RASSF5: variants seen among roughly 807,000 people sequenced by gnomAD.
RASSF5 encodes ras association domain-containing protein 5.
A neutral mutation model predicts 40.5 loss-of-function variants in RASSF5; 25 were observed. The ratio of observed to expected loss-of-function variants is 0.62; its 90% CI spans 0.45 to 0.86. The LOEUF (loss-of-function observed/expected upper bound fraction) is 0.86, where lower values mean the gene tolerates loss of function less well. RASSF5 is among the 40% of genes least tolerant of loss of function. The pLI is 0.00. For synonymous variants in RASSF5, 246 were observed against 252.4 expected, an observed-to-expected ratio of 0.97 and a Z score of 0.24; for missense variants, 521 against 572.8, an observed-to-expected ratio of 0.91 and a Z score of 0.92.
At chr1:206,536,289 G>A (rs868960068) in intron 1 of RASSF5, among the ~76,000 whole-genome samples, 5 of 152,286 alleles carry the variant, frequency 3.3e-5, no homozygotes, top group African/African-American at 9.6e-5. Context: ...GGAGGGAGGC[G>A]TAGAGAAGCG....
rs1192937407 is a variant in RASSF5 at position 206,579,569 on chromosome 1, G to A, written c.580-3700G>A. On this transcript the variant is annotated intron_variant, in intron 2 of 5. Transcript: ENST00000579436. The surrounding 1 kb of genome is among the most constrained non-coding windows in gnomAD (Gnocchi z 4.2). ...GGCACCAAGTGTTAATTCAGCAGCTGGATGAAGACCCTTGAGGTCTGGAAT... is the reference window on the plus strand; with the variant it reads ...GGCACCAAGTGTTAATTCAGCAGCTAGATGAAGACCCTTGAGGTCTGGAAT... Among the ~76,000 whole-genome samples the A allele has an allele frequency of 2.0e-5, 3 of 152,174 alleles. No individual in the cohort carries two copies. Among genetic ancestry groups the A allele is most frequent in the Non-Finnish European group, 4.4e-5 (3 of 68,018 alleles).
At position 206,552,946 on chromosome 1, in the gene RASSF5, G is replaced by T. The variant is rs1291746019; in HGVS notation, c.579+14653G>T. ...AGGCTGGGCGCGGTGGCTCACACCT[G>T]TAATCCCAGCACTTTGGGAGGCCGA... is the stretch of plus-strand genomic sequence containing the variant. On this transcript the variant is annotated intron_variant, in intron 2 of 5. Coordinates refer to ENST00000579436, the MANE Select transcript of RASSF5 (RefSeq NM_182663.4). This position sits in a 1 kb window ranked among gnomAD's most constrained non-coding sequence, Gnocchi z 4.1. 6.6e-6 allele frequency among the ~76,000 whole-genome samples: 1 copy of T among 152,166 alleles called. No individual in the cohort carries two copies. Among genetic ancestry groups the T allele is most frequent in the African/African-American group, 2.4e-5 (1 of 41,424 alleles).
Position 206,586,842 on chromosome 1 carries a change from T to A in RASSF5, c.1121T>A (p.Ile374Asn). The change falls in exon 6 of 6, where the codon ATC becomes AAC. Residue 374 changes from isoleucine (I) to asparagine (N), a missense_variant. Physicochemically the swap from Ile to Asn is moderately radical, Grantham distance 149 (BLOSUM62 -3). Around this residue, in one of 2 missense-constraint regions of RASSF5, gnomAD observed 284 missense variants for 360.8 expected, o/e 0.79. Transcript: ENST00000579436. ...TGEVEWDAFS[I>N]PELQNFLTIL... is the part of the protein sequence containing the mutation. ...GCCTCACAGTGGGATGCCTTCTCCA[T>A]CCCTGAACTTCAGAACTTCCTAACA... 6.2e-7 allele frequency: 1 copy of A among 1,613,872 alleles called. No individual in the cohort carries two copies. The highest frequency in any genetic ancestry group is 8.5e-7 in the Non-Finnish European group (1 of 1,179,892).
intron 2 of RASSF5, among the ~76,000 whole-genome samples, chr1:206,582,806 A>G (rs13375125): frequency 6.6e-6 from 1 of 152,306 alleles, no homozygotes; most frequent in East Asian, 1.9e-4. Flanking sequence ...CCATGGGTAG[A>G]CGCCTGTCCC....
intron 1 of RASSF5, chr1:206,528,799 A>G: frequency 2.8e-6 from 1 of 363,380 alleles, no homozygotes; most frequent in Middle Eastern, 7.5e-4. Context: ...GCACTTTGGG[A>G]GACTGAGGCA....
chr1:206,518,203 G>A (rs1666809663), intron 1 of RASSF5, among the ~76,000 whole-genome samples: 1 of 152,162 alleles, frequency 6.6e-6, no homozygotes, highest in East Asian at 1.9e-4. Flanking sequence ...TGGGGGAGGT[G>A]GAGGGGAAAG....
chr1:206,575,026 T>A (rs558444945), intron 2 of RASSF5, among the ~76,000 whole-genome samples: 1 of 111,632 alleles, frequency 9.0e-6, no homozygotes, highest in East Asian at 2.7e-4. Flanking sequence ...TTTTTTGTTT[T>A]TGTTTTTGTT....
intron 2 of RASSF5, among the ~76,000 whole-genome samples, chr1:206,561,958 G>A (rs1250604009): frequency 2.0e-5 from 3 of 151,740 alleles, no homozygotes; most frequent in Non-Finnish European, 4.4e-5. Flanking sequence ...GTGAGCCACC[G>A]CACCCGGCCT....
chr1:206,510,680 C>A (rs1666592192), intron 1 of RASSF5, among the ~76,000 whole-genome samples: 2 of 152,104 alleles, frequency 1.3e-5, no homozygotes, highest in African/African-American at 4.8e-5. Context: ...TAGGTGTCCT[C>A]TAGAAATGCC....
At chr1:206,534,842 G>A (rs1558503100) in intron 1 of RASSF5, among the ~76,000 whole-genome samples, 1 of 152,174 alleles carries the variant, frequency 6.6e-6, no homozygotes, top group African/African-American at 2.4e-5. Context: ...TGCCAGAGGC[G>A]ATGGCACTAG....
intron 1 of RASSF5, chr1:206,518,617 G>A (rs1572292676): frequency 2.5e-6 from 1 of 397,210 alleles, no homozygotes; most frequent in African/African-American, 2.1e-5. Context: ...CCATAGAAAA[G>A]GAGTACAGGA....
intron 2 of RASSF5, among the ~76,000 whole-genome samples, chr1:206,549,586 A>G (rs1381866999): frequency 3.9e-5 from 6 of 152,196 alleles, no homozygotes; most frequent in Non-Finnish European, 5.9e-5. Flanking sequence ...TCCTGGGATT[A>G]CAAGCATTAG....
rs557590017 is a variant in RASSF5, at chr1:206,516,603, C to T, written c.457+8544C>T. On this transcript the variant is annotated intron_variant, in intron 1 of 5. Transcript: ENST00000579436. ...TCTTGAGTAGCTGGGACTACAGGTG[C>T]GTGCCACCACACCCGGATAATTTTT... 4.6e-5 allele frequency among the ~76,000 whole-genome samples: 7 copies of T among 152,156 alleles called. No individual in the cohort carries two copies. In the East Asian group the frequency reaches 5.8e-4, roughly 13 times the overall value.
chr1:206,537,376 T>C (rs996714282), intron 1 of RASSF5, among the ~76,000 whole-genome samples: 8 of 152,220 alleles, frequency 5.3e-5, no homozygotes, highest in Non-Finnish European at 1.2e-4. Context: ...CCCCACATTC[T>C]AGCCTAGGCC....
At chr1:206,548,076 T>A (rs1667741592) in intron 2 of RASSF5, among the ~76,000 whole-genome samples, 1 of 152,224 alleles carries the variant, frequency 6.6e-6, no homozygotes, top group African/African-American at 2.4e-5. Flanking sequence ...ATTTTGAAGA[T>A]GTTGCTTCAC....
At chr1:206,558,393 G>A (rs1024532115) in intron 2 of RASSF5, among the ~76,000 whole-genome samples, 1 of 152,048 alleles carries the variant, frequency 6.6e-6, no homozygotes, top group Non-Finnish European at 1.5e-5. Flanking sequence ...TGCAGGCCTC[G>A]TGTCTGTCAG....
In RASSF5 at chr1:206,512,467, C is replaced by T. The variant is rs1270342728; in HGVS notation, c.457+4408C>T. Among the ~76,000 whole-genome samples, 10 of 152,310 alleles carry T rather than the reference C, an allele frequency of 6.6e-5. No individual in the cohort carries two copies. The South Asian group carries it at 2.1e-3, about 32-fold the overall frequency. ...CAGGTACAGTCAAAAATGATTAATGCCACTTGTCTGCCAGCCTAATTAGAC... is the reference window on the plus strand; with the variant it reads ...CAGGTACAGTCAAAAATGATTAATGTCACTTGTCTGCCAGCCTAATTAGAC... On this transcript the variant is annotated intron_variant, in intron 1 of 5. Coordinates refer to ENST00000579436, the MANE Select transcript of RASSF5 (RefSeq NM_182663.4).
At chr1:206,520,157 C>T (rs1666868250) in intron 1 of RASSF5, among the ~76,000 whole-genome samples, 1 of 152,160 alleles carries the variant, frequency 6.6e-6, no homozygotes, top group South Asian at 2.1e-4. Flanking sequence ...GCTTGCTTAA[C>T]TTGTGTTAGC....
At chr1:206,562,912 T>G (rs6540468) in intron 2 of RASSF5, among the ~76,000 whole-genome samples, 71,826 of 150,716 alleles carry the variant, frequency 0.48, 17,506 homozygotes, top group Middle Eastern at 0.64. Flanking sequence ...ACAGAACGAG[T>G]CTCTGTCTCA....
Sources: allele counts gnomAD v4.1 joint callset (sites outside exome capture counted in the v4.1 genomes callset), GRCh38; gene constraint gnomAD v4.1.1; regional missense constraint gnomAD v4.1.1; non-coding constraint Gnocchi (gnomAD v3.1); transcripts MANE v1.5; gene names NCBI Gene and HGNC (gene_info 2026-07-23, HGNC 2026-07-21).